Variants in ZRANB1 observed in about 807,000 individuals in gnomAD.
ZRANB1 encodes zinc finger RANBP2-type containing 1.
In ZRANB1, 16 loss-of-function variants were observed where a neutral mutation model predicts 80.5. The ratio of observed to expected loss-of-function variants is 0.20; its 90% CI spans 0.13 to 0.30. The LOEUF is 0.30. Ranked by LOEUF, ZRANB1 falls within the 10% of genes least tolerant of loss-of-function variation. The pLI is 1.00. For synonymous variants in ZRANB1, 291 were observed against 293.1 expected (o/e 0.99, Z 0.07); for missense variants, 576 against 862.6 (o/e 0.67, Z 4.16).
At chr10:124,971,816 T>G (rs1471764937) in intron 2 of ZRANB1, 149 bp from the exon 3 acceptor site, 10 of 655,376 alleles carry the variant, frequency 1.5e-5, no homozygotes, top group Non-Finnish European at 2.3e-5. Context: ...GTATATACTT[T>G]CATTGGTAAG....
chr10:124,931,662 C>T, the ZRANB1 span, among the ~76,000 whole-genome samples: 25 of 152,162 alleles, frequency 1.6e-4, no homozygotes, highest in Non-Finnish European at 3.1e-4. Context: ...TGAGCCACTG[C>T]GCCTGGCCTA....
At chr10:124,930,984 C>G in the ZRANB1 span, among the ~76,000 whole-genome samples, 4 of 152,142 alleles carry the variant, frequency 2.6e-5, no homozygotes, top group Non-Finnish European at 4.4e-5. Flanking sequence ...GAGCCATGAT[C>G]ATGCTGCTCT....
At chr10:124,943,336 G>A (rs778460900) in intron 1 of ZRANB1, 29 bp downstream of exon 1, 228 of 1,583,474 alleles carry the variant, frequency 1.4e-4, no homozygotes, top group Non-Finnish European at 1.8e-4. Context: ...CATTTTTTGC[G>A]TGGGATGGGA....
chr10:124,939,714 A>C (rs996271690), upstream of ZRANB1, among the ~76,000 whole-genome samples: 1 of 152,202 alleles, frequency 6.6e-6, no homozygotes, highest in Non-Finnish European at 1.5e-5. Flanking sequence ...TATCTTGTTA[A>C]TAAGTTTCTA....
At chr10:124,919,927 T>C in the ZRANB1 span, among the ~76,000 whole-genome samples, 1 of 128,204 alleles carries the variant, frequency 7.8e-6, no homozygotes, top group Non-Finnish European at 1.6e-5. Flanking sequence ...CCCCCTTTTT[T>C]TTTTTTTGAG....
chr10:124,979,607 A>G (rs2133994315), intron 5 of ZRANB1, among the ~76,000 whole-genome samples: 1 of 152,318 alleles, frequency 6.6e-6, no homozygotes, highest in South Asian at 2.1e-4. Context: ...CAAGGTCACG[A>G]AGATTTACTC....
At chr10:124,931,115 C>T in the ZRANB1 span, among the ~76,000 whole-genome samples, 1 of 152,072 alleles carries the variant, frequency 6.6e-6, no homozygotes, top group Non-Finnish European at 1.5e-5. Flanking sequence ...TTTGCTTTTT[C>T]TCTTGGCTGT....
At chr10:124,938,830 C>T (rs1319735709), upstream of ZRANB1, among the ~76,000 whole-genome samples, 2 of 151,972 alleles carry the variant, frequency 1.3e-5, no homozygotes, top group Non-Finnish European at 2.9e-5. Flanking sequence ...CCTTGGCCTC[C>T]TGAGTAGCTG....
At chr10:124,929,617 T>C in the ZRANB1 span, among the ~76,000 whole-genome samples, 1 of 150,692 alleles carries the variant, frequency 6.6e-6, no homozygotes, top group Admixed American at 6.6e-5. Context: ...GGATTACAAG[T>C]GTGAGCCACC....
chr10:124,926,461 G>A, the ZRANB1 span, among the ~76,000 whole-genome samples: 4 of 152,088 alleles, frequency 2.6e-5, no homozygotes, highest in Non-Finnish European at 5.9e-5. Flanking sequence ...GTTAGCTTAG[G>A]CCTACACAGG....
chr10:124,943,366 T>C lies in ZRANB1; in HGVS notation c.814+59T>C, dbSNP rs1311481566. On this transcript the variant is annotated intron_variant, in intron 1 of 8. Coordinates refer to ENST00000359653, the MANE Select transcript of ZRANB1 (RefSeq NM_017580.3). The stretch of plus-strand genomic sequence containing the variant: ...ATGGGAAAAGGTAGTAAAAATGATA[T>C]GAAAAGAGCTGGGTGCGCTGACACA... 8 of 1,502,558 alleles carry C rather than the reference T, an allele frequency of 5.3e-6. No homozygotes were observed. The East Asian group carries it at 9.1e-5, about 17-fold the overall frequency. 93.1% of individuals were successfully genotyped at this position (1,502,558 alleles called of 1,614,324 possible).
chr10:124,966,894 T>C, intron 2 of ZRANB1, 113 bp downstream of exon 2: 1 of 948,930 alleles, frequency 1.1e-6, no homozygotes, highest in Non-Finnish European at 1.6e-6. Flanking sequence ...TTTTGAATTC[T>C]TTTACCCCCT....
intron 1 of ZRANB1, among the ~76,000 whole-genome samples, chr10:124,965,830 C>T (rs1272075207): frequency 6.6e-6 from 1 of 152,076 alleles, no homozygotes; most frequent in African/African-American, 2.4e-5. Context: ...ACTGTGTTTA[C>T]CTAACATTAA....
chr10:124,959,094 G>T (rs1022298223), intron 1 of ZRANB1, among the ~76,000 whole-genome samples: 2 of 152,194 alleles, frequency 1.3e-5, no homozygotes, highest in Non-Finnish European at 2.9e-5. Context: ...CTCTCAAAGA[G>T]TTTATAGGGC....
intron 1 of ZRANB1, among the ~76,000 whole-genome samples, chr10:124,959,139 A>C (rs1246740597): frequency 6.6e-6 from 1 of 152,226 alleles, no homozygotes; most frequent in Non-Finnish European, 1.5e-5. Flanking sequence ...AGCTCAGCAG[A>C]GGAAGTACAG....
intron 1 of ZRANB1, among the ~76,000 whole-genome samples, chr10:124,963,554 G>GTTTTTTTTTTTTTTTTTTTTTT (rs760813299): frequency 3.5e-5 from 2 of 57,504 alleles, no homozygotes; most frequent in Non-Finnish European, 6.5e-5. Flanking sequence ...TTTTTTGTTT[G>GTTTTTTTTTTTTTTTTTTTTTT]TTTTTTTTTT....
chr10:124,984,725 C>A (rs376988630), intron 8 of ZRANB1, 49 bp from the exon 9 acceptor site: 21 of 1,569,922 alleles, frequency 1.3e-5, no homozygotes, highest in Non-Finnish European at 1.7e-5. Flanking sequence ...CCTACCAAGT[C>A]TCTGATCTGT....
chr10:124,966,530 T>A (rs1564963074), intron 1 of ZRANB1, 64 bp from the exon 2 acceptor site: 14 of 1,522,382 alleles, frequency 9.2e-6, no homozygotes, highest in Non-Finnish European at 1.3e-5. Flanking sequence ...GAGTGATTGC[T>A]ACGGTTTGTG....
At chr10:124,927,237 G>T in the ZRANB1 span, among the ~76,000 whole-genome samples, 1 of 152,130 alleles carries the variant, frequency 6.6e-6, no homozygotes, top group African/African-American at 2.4e-5. Context: ...TTACAGGCGT[G>T]AGCCACCGCG....
Sources: allele counts gnomAD v4.1 joint callset (sites outside exome capture counted in the v4.1 genomes callset), GRCh38; gene constraint gnomAD v4.1.1; transcripts MANE v1.5; gene names NCBI Gene and HGNC (gene_info 2026-07-23, HGNC 2026-07-21).